The following MPRIP variants were observed in gnomAD, a reference collection of about 807,000 sequenced individuals.
MPRIP encodes the protein myosin phosphatase Rho-interacting protein.
In MPRIP, 59 loss-of-function variants were observed where a neutral mutation model predicts 234.9. That is an observed-to-expected ratio of 0.25 (90% CI 0.20 to 0.31). The LOEUF (loss-of-function observed/expected upper bound fraction) is 0.31, where lower values mean the gene tolerates loss of function less well. Among genes scored for constraint, MPRIP ranks in the 10% least tolerant of loss-of-function variants. The pLI, the probability that MPRIP is intolerant of heterozygous loss-of-function variation, is 1.00. For synonymous variants in MPRIP, 1,144 were observed against 1,263.9 expected (o/e 0.91, Z 2.01); for missense variants, 2,436 against 3,071.0 (o/e 0.79, Z 4.89).
chr17:17,079,421 C>T (rs1382867821), intron 3 of MPRIP, among the ~76,000 whole-genome samples: 1 of 152,198 alleles, frequency 6.6e-6, no homozygotes, highest in Non-Finnish European at 1.5e-5. Context: ...GGAGACAAAG[C>T]ATTTGGACAC....
rs116234530 is a variant in MPRIP, at chr17:17,103,185, C to T, written c.268-23517C>T. On this transcript the variant is annotated intron_variant, in intron 3 of 23. Transcript: ENST00000651222. ...AGCCACAGATTAAGTCACTTCCACTCTGGCCATGGGGTCTTTGTAAGATGA... is the reference window on the plus strand; with the variant it reads ...AGCCACAGATTAAGTCACTTCCACTTTGGCCATGGGGTCTTTGTAAGATGA... Among the ~76,000 whole-genome samples the T allele has an allele frequency of 6.1e-3, 932 of 152,360 alleles. 9 individuals carry two copies. Among genetic ancestry groups the T allele is most frequent in the African/African-American group, 0.021 (889 of 41,578 alleles).
intron 17 of MPRIP, 39 bp from the exon 18 acceptor site, chr17:17,172,659 C>T (rs779418714): frequency 1.1e-5 from 17 of 1,535,010 alleles, no homozygotes; most frequent in African/African-American, 1.4e-5. Context: ...GCAGGAAGGG[C>T]GTGGTCCCTC....
chr17:17,176,216 G>A (rs1447856357), intron 20 of MPRIP, among the ~76,000 whole-genome samples: 1 of 152,170 alleles, frequency 6.6e-6, no homozygotes, highest in African/African-American at 2.4e-5. Context: ...GCACTGGGAG[G>A]AATCACGGCC....
At position 17,191,253 on chromosome 17, in the gene MPRIP, G is replaced by C. The variant is rs1326470023; in HGVS notation, c.*6359G>C. The stretch of plus-strand genomic sequence containing the variant: ...GAAAATGATGGTGCCATCTTGACCA[G>C]ACTTCTGCACAGTAATTTAACGCTA... On this transcript the variant is annotated 3_prime_UTR_variant, in exon 24 of 24. Coordinates refer to ENST00000651222, the MANE Select transcript of MPRIP (RefSeq NM_001364716.4). 6.6e-6 allele frequency: 1 copy of C among 152,196 alleles called. No individual in the cohort carries two copies. The highest frequency in any genetic ancestry group is 1.5e-5 in the Non-Finnish European group (1 of 68,042). 9.4% of individuals were successfully genotyped at this position (152,196 alleles called of 1,614,324 possible).
intron 3 of MPRIP, among the ~76,000 whole-genome samples, chr17:17,108,769 G>A (rs1199466684): frequency 6.6e-6 from 1 of 152,230 alleles, no homozygotes; most frequent in East Asian, 1.9e-4. Flanking sequence ...TCTCACTGCA[G>A]CAAACAGCAG....
intron 9 of MPRIP, among the ~76,000 whole-genome samples, chr17:17,144,818 T>C (rs1025173955): frequency 2.9e-4 from 44 of 152,298 alleles, no homozygotes; most frequent in African/African-American, 1.0e-3. Context: ...ATCGCGCCAC[T>C]GCACTCCGGC....
chr17:17,105,417 G>C (rs1220934676), intron 3 of MPRIP, among the ~76,000 whole-genome samples: 1 of 152,232 alleles, frequency 6.6e-6, no homozygotes, highest in African/African-American at 2.4e-5. Flanking sequence ...AGTCGGTCTT[G>C]AAACTGGGTG....
intron 1 of MPRIP, among the ~76,000 whole-genome samples, chr17:17,045,404 TG>T (rs1431510945): frequency 1.3e-5 from 2 of 152,192 alleles, no homozygotes; most frequent in Admixed American, 6.5e-5. Context: ...GCATCAGACC[TG>T]GAAGGGACTT....
intron 3 of MPRIP, among the ~76,000 whole-genome samples, chr17:17,108,387 T>C (rs1045233314): frequency 1.3e-5 from 2 of 152,210 alleles, no homozygotes; most frequent in African/African-American, 2.4e-5. Context: ...GCATCAAATA[T>C]AGATCAAGGT....
chr17:17,177,105 C>T lies in MPRIP; in HGVS notation c.6958-145C>T, dbSNP rs1192307773. On this transcript the variant is annotated intron_variant, in intron 21 of 23. Transcript: ENST00000651222. ...GTTTTTCCTCTCTGTCCACTGTCTGCCTCTAGAAGACAGAGGTGAACAAGC... is the reference window on the plus strand; with the variant it reads ...GTTTTTCCTCTCTGTCCACTGTCTGTCTCTAGAAGACAGAGGTGAACAAGC... 3.8e-5 allele frequency: 30 copies of T among 797,490 alleles called. No homozygotes were observed. In the East Asian group the frequency reaches 5.5e-4, roughly 15 times the overall value. 49.4% of individuals were successfully genotyped at this position (797,490 alleles called of 1,614,324 possible). A position where few individuals can be genotyped will look rare whatever the true frequency, so the allele number is the denominator to read the frequency against.
intron 18 of MPRIP, among the ~76,000 whole-genome samples, chr17:17,173,408 C>T (rs2046187222): frequency 6.6e-6 from 1 of 152,212 alleles, no homozygotes; most frequent in Admixed American, 6.5e-5. Flanking sequence ...CAGCAGCACC[C>T]TGTAGAGGCT....
intron 3 of MPRIP, among the ~76,000 whole-genome samples, chr17:17,082,083 T>C (rs183638713): frequency 6.6e-6 from 1 of 152,214 alleles, no homozygotes; most frequent in African/African-American, 2.4e-5. Flanking sequence ...TACCTAATTC[T>C]GTCACCAAGT....
intron 16 of MPRIP, among the ~76,000 whole-genome samples, chr17:17,170,576 G>A (rs1476511208): frequency 6.6e-6 from 1 of 152,236 alleles, no homozygotes; most frequent in Non-Finnish European, 1.5e-5. Flanking sequence ...ATGCTGATAG[G>A]ATTTCTTGGT....
rs547838678 is a variant in MPRIP, at chr17:17,174,627, G to T, written c.6750+552G>T. On this transcript the variant is annotated intron_variant, in intron 19 of 23. Coordinates refer to ENST00000651222, the MANE Select transcript of MPRIP (RefSeq NM_001364716.4). ...CAAGACGGGCGGATCACAAGGTCAG[G>T]GATTGAGACCATCCTGGCTAACATG... Among the ~76,000 whole-genome samples the T allele has an allele frequency of 1.0e-3, 153 of 152,188 alleles. 2 individuals are homozygous for T. Among genetic ancestry groups the T allele is most frequent in the Admixed American group, 2.2e-3 (33 of 15,294 alleles).
intron 3 of MPRIP, among the ~76,000 whole-genome samples, chr17:17,126,020 C>T (rs1435223313): frequency 2.6e-5 from 4 of 152,220 alleles, no homozygotes; most frequent in Non-Finnish European, 4.4e-5. Context: ...CATAAAGGTC[C>T]TCTTGCCTAG....
In MPRIP at chr17:17,143,683, C is replaced by A. The variant is rs778304199; in HGVS notation, c.1503+14C>A. The stretch of plus-strand genomic sequence containing the variant: ...CCCTCCGTGACGGTGAGCCCAGGCG[C>A]CGCGTCCTCCGGAGGCCGTGCTCCT... On this transcript the variant is annotated intron_variant, in intron 9 of 23. Coordinates refer to ENST00000651222, the MANE Select transcript of MPRIP (RefSeq NM_001364716.4). 24 of 1,553,808 alleles carry A rather than the reference C, an allele frequency of 1.5e-5. No homozygotes were observed. Among genetic ancestry groups the A allele is most frequent in the Non-Finnish European group, 2.0e-5 (23 of 1,137,062 alleles).
At chr17:17,139,153 G>C (rs544764418) in intron 7 of MPRIP, among the ~76,000 whole-genome samples, 1 of 152,340 alleles carries the variant, frequency 6.6e-6, no homozygotes, top group South Asian at 2.1e-4. Flanking sequence ...CCCATGCCCT[G>C]CCCTGCCCTT....
Position 17,078,157 on chromosome 17 carries a change from G to A in MPRIP, c.267+81G>A. The A allele has an allele frequency of 7.1e-7, 1 of 1,413,460 alleles. No individual in the cohort carries two copies. Among genetic ancestry groups the A allele is most frequent in the Non-Finnish European group, 1.0e-6 (1 of 1,001,908 alleles). 87.6% of individuals were successfully genotyped at this position (1,413,460 alleles called of 1,614,324 possible). A position where few individuals can be genotyped will look rare whatever the true frequency, so the allele number is the denominator to read the frequency against. ...ACAGTGCCCTTGCGTTGTCATGTGAGAGCACAGCAGCCATGTGCTCCTGCT... is the reference window on the plus strand; with the variant it reads ...ACAGTGCCCTTGCGTTGTCATGTGAAAGCACAGCAGCCATGTGCTCCTGCT... On this transcript the variant is annotated intron_variant, in intron 3 of 23. Coordinates refer to ENST00000651222, the MANE Select transcript of MPRIP (RefSeq NM_001364716.4). This position sits in a 1 kb window ranked among gnomAD's most constrained non-coding sequence, Gnocchi z 4.3.
chr17:17,184,731 G>A, intron 23 of MPRIP, 92 bp from the exon 24 acceptor site: 1 of 927,080 alleles, frequency 1.1e-6, no homozygotes, highest in Non-Finnish European at 1.7e-6. Context: ...ACTGATGCCG[G>A]CTCCACCAGC....
Sources: gnomAD v4.1 joint callset for allele counts (sites outside exome capture counted in the v4.1 genomes callset) on GRCh38, gnomAD v4.1.1 for gene constraint, Gnocchi (gnomAD v3.1) non-coding constraint, MANE v1.5 for transcripts, NCBI Gene and HGNC (gene_info 2026-07-23, HGNC 2026-07-21) for gene names.